Variants in PAX7 observed in about 807,000 individuals in gnomAD.
PAX7 encodes paired box protein Pax-7.
A neutral mutation model predicts 50.7 loss-of-function variants in PAX7; 18 were observed. The observed-to-expected ratio is 0.36, with a 90% CI of 0.25 to 0.53. The LOEUF (loss-of-function observed/expected upper bound fraction) is 0.53, where lower values mean the gene tolerates loss of function less well. Ranked by LOEUF, PAX7 falls within the 20% of genes least tolerant of loss-of-function variation. PAX7 has a pLI of 0.93. For missense variants in PAX7, 644 were observed against 702.9 expected (o/e 0.92, Z 0.95); for synonymous variants, 310 against 290.4 (o/e 1.07, Z -0.69).
chr1:18,685,495 G>A (rs189047182), intron 4 of PAX7, among the ~76,000 whole-genome samples: 26 of 152,324 alleles, frequency 1.7e-4, no homozygotes, highest in African/African-American at 5.1e-4. Context: ...CTTTGAGAAC[G>A]CCAAGAAAGG....
At chr1:18,711,279 A>C (rs1156641481) in intron 7 of PAX7, among the ~76,000 whole-genome samples, 1 of 151,716 alleles carries the variant, frequency 6.6e-6, no homozygotes, top group African/African-American at 2.4e-5. Flanking sequence ...AATCATTGCT[A>C]CCTCTCAGGG....
At chr1:18,701,564 A>G (rs1402354667) in intron 6 of PAX7, among the ~76,000 whole-genome samples, 1 of 152,180 alleles carries the variant, frequency 6.6e-6, no homozygotes, top group East Asian at 1.9e-4. Context: ...AAAATTTACA[A>G]AGGGGCTTAA....
intron 2 of PAX7, 69 bp from the exon 3 acceptor site, chr1:18,635,042 G>T (rs1184346561): frequency 8.3e-6 from 13 of 1,572,256 alleles, no homozygotes; most frequent in Non-Finnish European, 1.1e-5. Context: ...CTTAAGAGGT[G>T]ATATTAAAAG....
intron 7 of PAX7, among the ~76,000 whole-genome samples, chr1:18,704,511 T>A: frequency 6.6e-6 from 1 of 152,066 alleles, no homozygotes; most frequent in East Asian, 1.9e-4. Flanking sequence ...TTTCAGCTAC[T>A]TGGGAGGCTG....
At chr1:18,681,745 A>AT (rs372053576) in intron 4 of PAX7, among the ~76,000 whole-genome samples, 5 of 41,860 alleles carry the variant, frequency 1.2e-4, no homozygotes, top group African/African-American at 2.7e-4. Flanking sequence ...ATTTTATTTT[A>AT]TTTTATTTTT....
At chr1:18,730,066 G>A (rs1010953443) in intron 7 of PAX7, among the ~76,000 whole-genome samples, 3 of 152,100 alleles carry the variant, frequency 2.0e-5, no homozygotes, top group Non-Finnish European at 4.4e-5. Context: ...GAGGTGTCGG[G>A]GAGGTGAAAA....
intron 5 of PAX7, among the ~76,000 whole-genome samples, chr1:18,695,208 TA>T (rs34926391): frequency 3.6e-4 from 51 of 143,250 alleles, no homozygotes; most frequent in East Asian, 3.0e-3. Flanking sequence ...TGATTACATG[TA>T]AAAAAAAAAA....
chr1:18,705,769 A>G (rs1395314559), intron 7 of PAX7, among the ~76,000 whole-genome samples: 1 of 152,142 alleles, frequency 6.6e-6, no homozygotes, highest in East Asian at 1.9e-4. Flanking sequence ...GGAAGTTCCT[A>G]AGTTGGACGC....
chr1:18,658,966 G>A (rs1224433643), intron 4 of PAX7, among the ~76,000 whole-genome samples: 1 of 152,110 alleles, frequency 6.6e-6, no homozygotes, highest in East Asian at 1.9e-4. Flanking sequence ...GTATATGTGT[G>A]TGTGTACACA....
At chr1:18,731,284 C>T (rs2743188) in intron 7 of PAX7, among the ~76,000 whole-genome samples, 7,025 of 152,216 alleles carry the variant, frequency 0.046, 567 homozygotes, top group African/African-American at 0.16. Flanking sequence ...TAAAGGTCCC[C>T]GGGAAGCCAG....
intron 4 of PAX7, among the ~76,000 whole-genome samples, chr1:18,653,279 G>A (rs1176577335): frequency 6.6e-6 from 1 of 151,912 alleles, no homozygotes; most frequent in Non-Finnish European, 1.5e-5. Context: ...AGGAATCACA[G>A]TCAGCCTTGG....
At position 18,646,387 on chromosome 1, in the gene PAX7, G is replaced by T. The variant is rs191430218; in HGVS notation, c.586+10016G>T. Among the ~76,000 whole-genome samples, 687 of 152,036 alleles carry T rather than the reference G, an allele frequency of 4.5e-3. 1 individual carries two copies. Among genetic ancestry groups the T allele is most frequent in the Non-Finnish European group, 7.9e-3 (536 of 67,988 alleles). On this transcript the variant is annotated intron_variant, in intron 4 of 8. Transcript: ENST00000420770. ...TGCTGTAAATGGCCCCCTTTGCGTC[G>T]ACCCTCTTCCCCAAAAACCCGGTCT...
chr1:18,665,672 C>CTTTTTTTTTT (rs3079732), intron 4 of PAX7, among the ~76,000 whole-genome samples: 1 of 122,268 alleles, frequency 8.2e-6, no homozygotes, highest in Non-Finnish European at 1.6e-5. Context: ...TGCGCCCAGC[C>CTTTTTTTTTT]TTTTTTTTTT....
chr1:18,690,855 C>T lies in PAX7; in HGVS notation c.587-899C>T, dbSNP rs574539017. Among the ~76,000 whole-genome samples the T allele has an allele frequency of 3.0e-4, 46 of 152,332 alleles. 1 individual carries two copies. The highest frequency in any genetic ancestry group is 1.1e-3 in the African/African-American group (44 of 41,572). ...GTCAGTGGAAGTCGCCTAATCCAAA[C>T]CCTTCATGTCACAAATGGGGAAAGT... On this transcript the variant is annotated intron_variant, in intron 4 of 8. Transcript: ENST00000420770.
chr1:18,723,953 G>A (rs2089524407), intron 7 of PAX7, among the ~76,000 whole-genome samples: 1 of 152,156 alleles, frequency 6.6e-6, no homozygotes, highest in African/African-American at 2.4e-5. Context: ...TTATTTACAT[G>A]TAATTATTGC....
rs1461418218 is a variant in PAX7 at position 18,700,661 on chromosome 1, C to G, written c.795C>G (p.Phe265Leu). 6.4e-7 allele frequency: 1 copy of G among 1,554,028 alleles called. No individual in the cohort carries two copies. The highest frequency in any genetic ancestry group is 8.7e-7 in the Non-Finnish European group (1 of 1,151,244). ...KLTEARVQVW[F>L]SNRRARWRKQ... ...TGCTCTCCACCTCCCAGGTCTGGTT[C>G]AGTAACCGCCGCGCCCGTTGGCGTA... is the stretch of plus-strand genomic sequence containing the variant. Residue 265 changes from phenylalanine to leucine, a missense_variant, in exon 6 of 9, where the codon TTC becomes TTG. Phe to Leu is a conservative substitution (Grantham distance 22, BLOSUM62 0). Transcript: ENST00000420770. This position sits in a 1 kb window ranked among gnomAD's most constrained non-coding sequence, Gnocchi z 4.8.
At chr1:18,656,069 C>T (rs1209400043) in intron 4 of PAX7, among the ~76,000 whole-genome samples, 1 of 152,164 alleles carries the variant, frequency 6.6e-6, no homozygotes, top group Non-Finnish European at 1.5e-5. Context: ...TGGGTATTGT[C>T]ATAACGGACC....
At chr1:18,663,662 G>A (rs747946954) in intron 4 of PAX7, among the ~76,000 whole-genome samples, 11 of 152,186 alleles carry the variant, frequency 7.2e-5, no homozygotes, top group South Asian at 2.1e-4. Flanking sequence ...GCTTACAGGC[G>A]TGAGCCACCA....
intron 4 of PAX7, among the ~76,000 whole-genome samples, chr1:18,642,799 G>C (rs1453525439): frequency 6.6e-6 from 1 of 152,098 alleles, no homozygotes; most frequent in African/African-American, 2.4e-5. Context: ...GTGACCTAAG[G>C]GGGAAACTTC....
Sources: allele counts gnomAD v4.1 joint callset (sites outside exome capture counted in the v4.1 genomes callset), GRCh38; gene constraint gnomAD v4.1.1; non-coding constraint Gnocchi (gnomAD v3.1); transcripts MANE v1.5; gene names NCBI Gene and HGNC (gene_info 2026-07-23, HGNC 2026-07-21).